PTPRD: variants seen among roughly 807,000 people sequenced by gnomAD.
PTPRD encodes the protein protein tyrosine phosphatase receptor type D, also known as receptor-type tyrosine-protein phosphatase delta.
Under a neutral mutation model 214.5 loss-of-function variants are expected in PTPRD, and 34 were observed. That is an observed-to-expected ratio of 0.16 (90% CI 0.12 to 0.21). The LOEUF (loss-of-function observed/expected upper bound fraction) is 0.21, where lower values mean the gene tolerates loss of function less well. PTPRD is among the 10% of genes least tolerant of loss of function. The pLI, the probability that PTPRD is intolerant of heterozygous loss-of-function variation, is 1.00. For synonymous variants in PTPRD, 1,128 were observed against 845.7 expected (o/e 1.33, Z -5.79); for missense variants, 2,545 against 2,398.7 (o/e 1.06, Z -1.27).
rs59488682 is a variant in PTPRD, at chr9:8,353,937, C to CATATAT, written c.4662-11965_4662-11960dup. 3.8e-4 allele frequency among the ~76,000 whole-genome samples: 23 copies of CATATAT among 61,304 alleles called. 2 individuals carry two copies. The highest frequency in any genetic ancestry group is 9.5e-4 in the African/African-American group (14 of 14,786). The allele number at this position is 61,304 out of a possible 152,430, so 40.2% of individuals were successfully genotyped here. ...ATATATGTATATATATGTGTGTGTACATATATATATATATATATATATATA... is the reference window on the plus strand; with the variant it reads ...ATATATGTATATATATGTGTGTGTACATATATATATATATATATATATATATATATA... On this transcript the variant is annotated intron_variant, in intron 39 of 45. Coordinates refer to ENST00000381196, the MANE Select transcript of PTPRD (RefSeq NM_002839.4).
chr9:9,880,469 G>C (rs2068310421), intron 5 of PTPRD, among the ~76,000 whole-genome samples: 1 of 152,122 alleles, frequency 6.6e-6, no homozygotes, highest in Admixed American at 6.6e-5. Context: ...CATTATCACT[G>C]TGTATAATTC....
chr9:8,754,016 A>C (rs558072189), intron 11 of PTPRD, among the ~76,000 whole-genome samples: 8 of 152,104 alleles, frequency 5.3e-5, no homozygotes, highest in African/African-American at 1.9e-4. Flanking sequence ...ATGGTGGCAC[A>C]TGCCTGTAAT....
At chr9:9,280,436 C>G (rs899178865) in intron 9 of PTPRD, among the ~76,000 whole-genome samples, 1 of 151,044 alleles carries the variant, frequency 6.6e-6, no homozygotes, top group East Asian at 2.0e-4. Context: ...TGAAAGGTTG[C>G]AGAATATAAG....
chr9:10,453,487 C>A (rs912747630), intron 2 of PTPRD, among the ~76,000 whole-genome samples: 2 of 151,528 alleles, frequency 1.3e-5, no homozygotes, highest in Non-Finnish European at 3.0e-5. Context: ...TATCTTCCCT[C>A]AATGTTTTAT....
intron 9 of PTPRD, among the ~76,000 whole-genome samples, chr9:9,190,078 C>G (rs908423892): frequency 1.3e-5 from 2 of 152,056 alleles, no homozygotes; most frequent in Non-Finnish European, 2.9e-5. Context: ...AATGTGTCCT[C>G]CAAAGTTCAT....
chr9:9,407,577 G>C (rs2141717574), intron 8 of PTPRD, among the ~76,000 whole-genome samples: 1 of 151,658 alleles, frequency 6.6e-6, no homozygotes, highest in East Asian at 1.9e-4. Flanking sequence ...CTATTTTTTT[G>C]AAATTGTTAT....
Position 9,243,109 on chromosome 9 carries a change from C to G in PTPRD, c.-202-59746G>C, listed in dbSNP as rs923696302. On this transcript the variant is annotated intron_variant, in intron 9 of 45. Coordinates refer to ENST00000381196, the MANE Select transcript of PTPRD (RefSeq NM_002839.4). ...GTTGGAGTTTCCTGGAGGTCAACAC[C>G]AGACCCTGTTTGCCTGGGTATCAGC... Among the ~76,000 whole-genome samples the G allele has an allele frequency of 2.6e-5, 4 of 152,060 alleles. No homozygotes were observed. The South Asian group carries it at 6.2e-4, about 24-fold the overall frequency.
intron 2 of PTPRD, among the ~76,000 whole-genome samples, chr9:10,382,190 TGA>T (rs2097840245): frequency 6.6e-6 from 1 of 152,104 alleles, no homozygotes; most frequent in East Asian, 1.9e-4. Context: ...ACGTAATAGC[TGA>T]CTCTGTCATT....
intron 37 of PTPRD, among the ~76,000 whole-genome samples, chr9:8,377,532 A>C (rs887350235): frequency 6.6e-6 from 1 of 152,116 alleles, no homozygotes; most frequent in African/African-American, 2.4e-5. Context: ...AGTATAATGA[A>C]AAGTAACAAA....
At chr9:10,361,558 A>G (rs991220789) in intron 2 of PTPRD, among the ~76,000 whole-genome samples, 1 of 152,158 alleles carries the variant, frequency 6.6e-6, no homozygotes, top group Non-Finnish European at 1.5e-5. Context: ...TGTGTCTACT[A>G]TACACCCGAA....
At chr9:8,530,615 A>G (rs1052088504) in intron 14 of PTPRD, among the ~76,000 whole-genome samples, 1 of 152,074 alleles carries the variant, frequency 6.6e-6, no homozygotes, top group Non-Finnish European at 1.5e-5. Context: ...CTGGGTTTCC[A>G]GATTTTAAGA....
At chr9:10,144,866 A>AT (rs573486453) in intron 3 of PTPRD, among the ~76,000 whole-genome samples, 14 of 152,078 alleles carry the variant, frequency 9.2e-5, no homozygotes, top group African/African-American at 2.7e-4. Flanking sequence ...GATAATACTG[A>AT]TTTTTTTTAT....
At chr9:8,970,242 A>G (rs1222121106) in intron 11 of PTPRD, among the ~76,000 whole-genome samples, 1 of 151,990 alleles carries the variant, frequency 6.6e-6, no homozygotes, top group Admixed American at 6.6e-5. Flanking sequence ...TAATTTACAT[A>G]TTAAATAAAA....
intron 3 of PTPRD, among the ~76,000 whole-genome samples, chr9:10,140,309 G>A (rs2098974863): frequency 1.4e-5 from 2 of 147,984 alleles, no homozygotes; most frequent in African/African-American, 2.5e-5. Context: ...AGACATACAA[G>A]CAGAAAACAA....
chr9:9,190,828 G>C (rs1024493022), intron 9 of PTPRD, among the ~76,000 whole-genome samples: 2 of 152,096 alleles, frequency 1.3e-5, no homozygotes, highest in African/African-American at 4.8e-5. Context: ...AGATTTTAGA[G>C]TTACTACTGT....
intron 12 of PTPRD, among the ~76,000 whole-genome samples, chr9:8,723,238 C>G (rs564792644): frequency 6.6e-6 from 1 of 152,048 alleles, no homozygotes; most frequent in Non-Finnish European, 1.5e-5. Context: ...CCTGGATGCT[C>G]TGAACTCCAT....
At chr9:10,382,282 ATTC>A (rs1346625037) in intron 2 of PTPRD, among the ~76,000 whole-genome samples, 1 of 151,934 alleles carries the variant, frequency 6.6e-6, no homozygotes, top group African/African-American at 2.4e-5. Flanking sequence ...TCTTGTTTGT[ATTC>A]TTCTTCTTAT....
At chr9:9,297,711 G>A (rs941241994) in intron 9 of PTPRD, among the ~76,000 whole-genome samples, 2 of 151,532 alleles carry the variant, frequency 1.3e-5, no homozygotes, top group African/African-American at 4.8e-5. Context: ...TGGTTAAGGA[G>A]ATTAAGAAAG....
At chr9:10,450,647 T>G (rs1164603609) in intron 2 of PTPRD, among the ~76,000 whole-genome samples, 1 of 152,006 alleles carries the variant, frequency 6.6e-6, no homozygotes, top group African/African-American at 2.4e-5. Flanking sequence ...ATCATATATT[T>G]TACTGTCTTG....
Sources: gnomAD v4.1 joint callset for allele counts (sites outside exome capture counted in the v4.1 genomes callset) on GRCh38, gnomAD v4.1.1 for gene constraint, MANE v1.5 for transcripts, NCBI Gene and HGNC (gene_info 2026-07-23, HGNC 2026-07-21) for gene names.